NCAPH2: variants seen among roughly 807,000 people sequenced by gnomAD.
NCAPH2 encodes the protein condensin-2 complex subunit H2.
NCAPH2 carries 56 observed loss-of-function variants against 88.6 expected under a neutral mutation model. The ratio of observed to expected loss-of-function variants is 0.63; its 90% CI spans 0.51 to 0.79. NCAPH2 has a LOEUF of 0.79. Ranked by LOEUF, NCAPH2 falls within the 30% of genes least tolerant of loss-of-function variation. The pLI is 0.00. For synonymous variants in NCAPH2, 378 were observed against 313.6 expected (o/e 1.21, Z -2.17); for missense variants, 794 against 792.0 (o/e 1.00, Z -0.03).
rs1224107168 is a variant in NCAPH2, at chr22:50,511,532, C to T, written c.108+3087C>T. Among the ~76,000 whole-genome samples, 12 of 143,482 alleles carry T rather than the reference C, an allele frequency of 8.4e-5. No individual in the cohort carries two copies. In the East Asian group the frequency reaches 2.2e-3, roughly 26 times the overall value. The allele number at this position is 143,482 out of a possible 152,430, so 94.1% of individuals were successfully genotyped here. A position where few individuals can be genotyped will look rare whatever the true frequency, so the allele number is the denominator to read the frequency against. Reference sequence around the variant, plus strand: ...GGTCTCGATCTCCTGACCTCATGATCCACCCGCCTCGGCCTCCCAAAGTGC... The same window carrying T: ...GGTCTCGATCTCCTGACCTCATGATTCACCCGCCTCGGCCTCCCAAAGTGC... On this transcript the variant is annotated intron_variant, in intron 1 of 19. Coordinates refer to ENST00000420993, the MANE Select transcript of NCAPH2 (RefSeq NM_152299.4).
chr22:50,521,887 T>A (rs1569521083), intron 12 of NCAPH2, 39 bp downstream of exon 12: 1 of 1,613,356 alleles, frequency 6.2e-7, no homozygotes, highest in Admixed American at 1.7e-5. Context: ...CACTGGGAGC[T>A]GGGGGCTGGG....
At chr22:50,520,685 A>C (rs1051888110) in intron 9 of NCAPH2, 82 of 331,486 alleles carry the variant, frequency 2.5e-4, no homozygotes, top group Middle Eastern at 8.9e-4. Context: ...CGGCCTCCCG[A>C]GTAGGTGGGA....
chr22:50,519,354 C>T (rs770334274), intron 9 of NCAPH2, 34 bp downstream of exon 9: 2 of 1,608,368 alleles, frequency 1.2e-6, no homozygotes. Context: ...AGAACCTGAG[C>T]TGTGAACTGG....
chr22:50,508,620 C>T (rs2068694256), intron 1 of NCAPH2, among the ~76,000 whole-genome samples, 175 bp downstream of exon 1: 1 of 152,260 alleles, frequency 6.6e-6, no homozygotes, highest in African/African-American at 2.4e-5. Flanking sequence ...TCTGCCTCCC[C>T]AAATCATCCC....
chr22:50,514,065 C>T (rs1201121228), intron 1 of NCAPH2, among the ~76,000 whole-genome samples: 1 of 152,162 alleles, frequency 6.6e-6, no homozygotes, highest in East Asian at 1.9e-4. Context: ...TGAGATTGCG[C>T]CCCTGCATTC....
intron 1 of NCAPH2, 122 bp from the exon 2 acceptor site, chr22:50,516,325 T>C (rs6010135): frequency 2.5e-6 from 2 of 798,836 alleles, no homozygotes; most frequent in East Asian, 5.2e-5. Flanking sequence ...GCCCACAGCA[T>C]AGCTAGAGCT....
chr22:50,517,581 G>T lies in NCAPH2; in HGVS notation c.271G>T (p.Ala91Ser). 1 of 1,614,052 alleles carries T rather than the reference G, an allele frequency of 6.2e-7. No homozygotes were observed. The stretch of plus-strand genomic sequence containing the variant: ...CGGGATGTGCTTCTCTCTCAGGCGG[G>T]CCAAGCAGCTCTCTTCGGTGCAGGA... ...ALDFISGKRR[A>S]KQLSSVQEDR... Residue 91 changes from alanine to serine, a missense_variant, in exon 4 of 20, where the codon GCC becomes TCC. By Grantham distance (99) the Ala-to-Ser change is moderately conservative (BLOSUM62 1). Around this residue, in one of 2 missense-constraint regions of NCAPH2, gnomAD observed 735 missense variants for 696.3 expected, o/e 1.06. Transcript: ENST00000420993.
intron 1 of NCAPH2, chr22:50,515,782 A>C: frequency 7.7e-7 from 1 of 1,300,586 alleles, no homozygotes; most frequent in South Asian, 1.2e-5. Flanking sequence ...TGGGTAAAGT[A>C]TGGAAGTAAA....
chr22:50,511,691 G>A (rs1462769270), intron 1 of NCAPH2, among the ~76,000 whole-genome samples: 3 of 139,994 alleles, frequency 2.1e-5, no homozygotes, highest in Middle Eastern at 3.6e-3. Flanking sequence ...TGTGGCCCAA[G>A]TTGGAGTGCA....
At chr22:50,510,416 A>G (rs2068752102) in intron 1 of NCAPH2, among the ~76,000 whole-genome samples, 1 of 151,870 alleles carries the variant, frequency 6.6e-6, no homozygotes, top group African/African-American at 2.4e-5. Context: ...TATTCTTTCA[A>G]TGACTGAGTT....
intron 1 of NCAPH2, among the ~76,000 whole-genome samples, chr22:50,512,003 G>C (rs990975221): frequency 1.3e-5 from 2 of 152,194 alleles, no homozygotes; most frequent in African/African-American, 4.8e-5. Flanking sequence ...GGCCAGGCTG[G>C]TCTTGAACTC....
intron 1 of NCAPH2, among the ~76,000 whole-genome samples, chr22:50,511,891 C>T (rs1325477535): frequency 2.0e-5 from 3 of 152,178 alleles, no homozygotes; most frequent in South Asian, 4.1e-4. Flanking sequence ...TCGTGATCCA[C>T]CCGCCTCGGC....
In NCAPH2 at chr22:50,517,594, CTT is replaced by C; in HGVS notation, c.285_286del (p.Ser96GlyfsTer21). On this transcript the variant is annotated frameshift_variant, in exon 4 of 20. Transcript: ENST00000420993. LOFTEE classifies it high-confidence loss of function. Reference sequence around the variant, plus strand: ...TCTCTCAGGCGGGCCAAGCAGCTCTCTTCGGTGCAGGAGGACAGGGCCAATGG... The same window carrying C: ...TCTCTCAGGCGGGCCAAGCAGCTCTCCGGTGCAGGAGGACAGGGCCAATGG... The C allele has an allele frequency of 6.2e-7, 1 of 1,614,126 alleles. No homozygotes were observed. The highest frequency in any genetic ancestry group is 8.5e-7 in the Non-Finnish European group (1 of 1,180,022).
At chr22:50,518,486 C>G (rs2068991920) in intron 7 of NCAPH2, among the ~76,000 whole-genome samples, 163 bp from the exon 8 acceptor site, 1 of 152,014 alleles carries the variant, frequency 6.6e-6, no homozygotes, top group African/African-American at 2.4e-5. Context: ...TGCCAGAGAC[C>G]TGGTGCCTGG....
At chr22:50,519,542 A>G (rs2069026097) in intron 9 of NCAPH2, 3 of 1,327,612 alleles carry the variant, frequency 2.3e-6, no homozygotes, top group Middle Eastern at 2.8e-4. Flanking sequence ...TGCTCCTCAG[A>G]GTAGTGGGCT....
At chr22:50,508,479 C>CGGGGGGGGG in intron 1 of NCAPH2, 34 bp downstream of exon 1, 5 of 147,152 alleles carry the variant, frequency 3.4e-5, no homozygotes, top group Non-Finnish European at 5.2e-5. Flanking sequence ...CGGGGTGGGC[C>CGGGGGGGGG]GGCGGGTGGG....
chr22:50,516,780 A>T (rs2068936244), intron 2 of NCAPH2, among the ~76,000 whole-genome samples: 1 of 152,210 alleles, frequency 6.6e-6, no homozygotes, highest in Non-Finnish European at 1.5e-5. Context: ...TCTTGGGGGA[A>T]TGACACCTGC....
chr22:50,518,562 G>A (rs2068994159), intron 7 of NCAPH2, 87 bp from the exon 8 acceptor site: 9 of 1,344,484 alleles, frequency 6.7e-6, no homozygotes, highest in East Asian at 2.5e-5. Flanking sequence ...CCTCCTGCTG[G>A]CCCCTTGGAG....
rs2069163396 is a variant in NCAPH2 at position 50,523,055 on chromosome 22, C to T, written c.1566C>T (p.Asp522=). Residue 522 remains aspartate (D), a synonymous_variant, in exon 19 of 20, where the codon GAC becomes GAT. Coordinates refer to ENST00000420993, the MANE Select transcript of NCAPH2 (RefSeq NM_152299.4). ...CCTTTGACATCCACACCTATGGGGA[C>T]CAGCTGGTCTCACGGTTCCCCCAGC... ...HVPFDIHTYG[D]QLVSRFPQLN... 1 of 1,606,000 alleles carries T rather than the reference C, an allele frequency of 6.2e-7. No individual in the cohort carries two copies. The highest frequency in any genetic ancestry group is 8.5e-7 in the Non-Finnish European group (1 of 1,174,898).
Sources: allele counts gnomAD v4.1 joint callset (sites outside exome capture counted in the v4.1 genomes callset), GRCh38; gene constraint gnomAD v4.1.1; regional missense constraint gnomAD v4.1.1; transcripts MANE v1.5; gene names NCBI Gene and HGNC (gene_info 2026-07-23, HGNC 2026-07-21).